UBE2D3: variants seen among roughly 807,000 people sequenced by gnomAD.
The protein encoded by UBE2D3 is ubiquitin-conjugating enzyme E2 D3.
In UBE2D3, 2 loss-of-function variants were observed where a neutral mutation model predicts 22.8. That is an observed-to-expected ratio of 0.09 (90% CI 0.04 to 0.28). The LOEUF (loss-of-function observed/expected upper bound fraction) is 0.28. Among genes scored for constraint, UBE2D3 ranks in the 10% least tolerant of loss-of-function variants. The pLI, the probability that UBE2D3 is intolerant of heterozygous loss-of-function variation, is 1.00. For synonymous variants in UBE2D3, 56 were observed against 60.4 expected (o/e 0.93, Z 0.34); for missense variants, 27 against 182.5 (o/e 0.15, Z 4.91).
intron 2 of UBE2D3, among the ~76,000 whole-genome samples, chr4:102,816,071 G>A (rs917835728): frequency 5.9e-5 from 9 of 152,210 alleles, no homozygotes; most frequent in African/African-American, 2.2e-4. Flanking sequence ...TGAGAAAAGA[G>A]TAAGTCATAG....
At chr4:102,860,811 GT>G (rs1398738321) in intron 1 of UBE2D3, among the ~76,000 whole-genome samples, 2 of 151,864 alleles carry the variant, frequency 1.3e-5, no homozygotes. Context: ...TGCAGGGGAG[GT>G]TGGGCTGCTG....
Position 102,859,346 on chromosome 4 carries a change from A to G in UBE2D3, c.-129+9369T>C, listed in dbSNP as rs531043849. 3.3e-5 allele frequency among the ~76,000 whole-genome samples: 5 copies of G among 152,084 alleles called. No individual in the cohort carries two copies. The South Asian group carries it at 1.0e-3, about 32-fold the overall frequency. On this transcript the variant is annotated intron_variant, in intron 1 of 7. Coordinates refer to the UBE2D3 transcript ENST00000338145. ...TGCTGCTTTCAAATTCTTTGTCATT[A>G]ACTTTTGAAAATTTGATCATAATGT...
rs573073108 is a variant in UBE2D3 at position 102,796,355 on chromosome 4, T to C, written c.*1060A>G. ...GGCTGCCAGTATCATGTGCAGCACA[T>C]TAAAGCTACACTATCCAAATAGCTT... On this transcript the variant is annotated 3_prime_UTR_variant, in exon 8 of 8. Coordinates refer to ENST00000453744, the MANE Select transcript of UBE2D3 (RefSeq NM_181891.3). 6.6e-6 allele frequency: 1 copy of C among 152,610 alleles called. No individual in the cohort carries two copies. Among genetic ancestry groups the C allele is most frequent in the South Asian group, 2.1e-4 (1 of 4,830 alleles). 9.5% of individuals were successfully genotyped at this position (152,610 alleles called of 1,614,324 possible).
At chr4:102,804,851 T>G (rs111275188) in intron 4 of UBE2D3, among the ~76,000 whole-genome samples, 4 of 152,236 alleles carry the variant, frequency 2.6e-5, no homozygotes, top group African/African-American at 9.6e-5. Flanking sequence ...ATTTTTTTTG[T>G]CTTTTTAGTA....
intron 1 of UBE2D3, among the ~76,000 whole-genome samples, chr4:102,857,757 G>C (rs1191004995): frequency 6.6e-6 from 1 of 151,982 alleles, no homozygotes; most frequent in Non-Finnish European, 1.5e-5. Context: ...GCAGTGCTGC[G>C]ATCTCAGCTT....
rs1412057505 is a variant in UBE2D3 at position 102,795,384 on chromosome 4, GAAGT to G, written c.*2027_*2030del. Reference sequence around the variant, plus strand: ...TTATTTTGAGACTATATGCATCTCAGAAGTAATTTTGAAAATAGAGCCAAAGAGC... The same window carrying G: ...TTATTTTGAGACTATATGCATCTCAGAATTTTGAAAATAGAGCCAAAGAGC... On this transcript the variant is annotated 3_prime_UTR_variant, in exon 8 of 8. Coordinates refer to ENST00000453744, the MANE Select transcript of UBE2D3 (RefSeq NM_181891.3). 6.6e-6 allele frequency: 1 copy of G among 152,108 alleles called. No homozygotes were observed. The highest frequency in any genetic ancestry group is 1.5e-5 in the Non-Finnish European group (1 of 67,952). 9.4% of individuals were successfully genotyped at this position (152,108 alleles called of 1,614,324 possible).
At chr4:102,800,520 T>G (rs1005182367) in intron 6 of UBE2D3, among the ~76,000 whole-genome samples, 1 of 152,072 alleles carries the variant, frequency 6.6e-6, no homozygotes, top group Non-Finnish European at 1.5e-5. Flanking sequence ...CCAGCAGTAG[T>G]AGAAAAACTT....
intron 1 of UBE2D3, among the ~76,000 whole-genome samples, chr4:102,861,943 G>T (rs191843308): frequency 6.6e-6 from 1 of 151,874 alleles, no homozygotes; most frequent in Admixed American, 6.6e-5. Flanking sequence ...TGACTGACAG[G>T]GTCTCACTCT....
chr4:102,824,448 C>A (rs1317423628), intron 2 of UBE2D3, among the ~76,000 whole-genome samples: 1 of 152,196 alleles, frequency 6.6e-6, no homozygotes, highest in Non-Finnish European at 1.5e-5. Context: ...ACTGCTGCCA[C>A]CCCAATGTCT....
At chr4:102,833,606 T>C (rs1158467254) in intron 1 of UBE2D3, among the ~76,000 whole-genome samples, 2 of 152,208 alleles carry the variant, frequency 1.3e-5, no homozygotes, top group African/African-American at 4.8e-5. Flanking sequence ...TTTTGTCACA[T>C]ACCTAAAGTG....
chr4:102,798,845 G>GT lies in UBE2D3; in HGVS notation c.398+561dup, dbSNP rs1460058296. On this transcript the variant is annotated intron_variant, in intron 7 of 7. Coordinates refer to ENST00000453744, the MANE Select transcript of UBE2D3 (RefSeq NM_181891.3). The stretch of plus-strand genomic sequence containing the variant: ...CTGCCATATTTGTTACCTTTTGTTA[G>GT]TTAATACAGTGCCTTAACGCATGCA... The GT allele has an allele frequency of 3.1e-6, 4 of 1,307,436 alleles. No homozygotes were observed. In the Admixed American group the frequency reaches 7.1e-5, roughly 23 times the overall value. 81.0% of individuals were successfully genotyped at this position (1,307,436 alleles called of 1,614,324 possible).
chr4:102,812,141 A>C (rs1283160739), intron 2 of UBE2D3: 1 of 158,974 alleles, frequency 6.3e-6, no homozygotes, highest in East Asian at 1.9e-4. Flanking sequence ...TACAAATCTT[A>C]ATTTAACAAG....
At chr4:102,823,941 G>A (rs1423391260) in intron 2 of UBE2D3, among the ~76,000 whole-genome samples, 1 of 152,098 alleles carries the variant, frequency 6.6e-6, no homozygotes, top group African/African-American at 2.4e-5. Context: ...AAATAGGTAC[G>A]TAACACAAGC....
chr4:102,802,906 C>T (rs1213877986), intron 4 of UBE2D3, among the ~76,000 whole-genome samples: 1 of 152,144 alleles, frequency 6.6e-6, no homozygotes, highest in African/African-American at 2.4e-5. Context: ...TTCTAGATCT[C>T]AATTCTCAAA....
In UBE2D3 at chr4:102,811,687, A is replaced by C. The variant is rs201343598; in HGVS notation, c.25-1832T>G. 1.9e-3 allele frequency: 737 copies of C among 384,906 alleles called. 6 individuals carry two copies. The East Asian group carries it at 0.022, about 12-fold the overall frequency. 23.8% of individuals were successfully genotyped at this position (384,906 alleles called of 1,614,324 possible). A position where few individuals can be genotyped will look rare whatever the true frequency, so the allele number is the denominator to read the frequency against. On this transcript the variant is annotated intron_variant, in intron 2 of 7. Transcript: ENST00000453744. ...ACTGTCTCAAAAACAACAAAAAAAA[A>C]ACCCCAGAAAAGCTGAACGTACTCA...
intron 1 of UBE2D3, chr4:102,827,016 G>C (rs1213714879): frequency 2.0e-6 from 2 of 994,282 alleles, no homozygotes; most frequent in Non-Finnish European, 2.4e-6. Flanking sequence ...ACTCCGGACG[G>C]ACGCCGGGCT....
chr4:102,803,149 A>C (rs1205760490), intron 4 of UBE2D3, among the ~76,000 whole-genome samples: 2 of 152,220 alleles, frequency 1.3e-5, no homozygotes, highest in African/African-American at 4.8e-5. Context: ...AATACCAGAA[A>C]ATACATGCAT....
At chr4:102,820,116 A>G (rs1729362668) in intron 2 of UBE2D3, among the ~76,000 whole-genome samples, 2 of 152,246 alleles carry the variant, frequency 1.3e-5, no homozygotes, top group Non-Finnish European at 2.9e-5. Flanking sequence ...CCAACCTAGA[A>G]AAATACAAAG....
intron 1 of UBE2D3, chr4:102,868,600 C>G (rs1158781043): frequency 2.2e-6 from 3 of 1,366,022 alleles, no homozygotes; most frequent in Non-Finnish European, 3.1e-6. Context: ...GCACTGGGGT[C>G]TGGGTAGGGG....
Sources: gnomAD v4.1 joint callset for allele counts (sites outside exome capture counted in the v4.1 genomes callset) on GRCh38, gnomAD v4.1.1 for gene constraint, MANE v1.5 for transcripts, NCBI Gene and HGNC (gene_info 2026-07-23, HGNC 2026-07-21) for gene names.